CUL4A: variants seen among roughly 807,000 people sequenced by gnomAD.
CUL4A encodes the protein cullin 4A, also known as cullin-4A.
CUL4A carries 16 observed loss-of-function variants against 95.5 expected under a neutral mutation model. The observed-to-expected ratio is 0.17, with a 90% CI of 0.11 to 0.25. CUL4A has a LOEUF of 0.25. Ranked by LOEUF, CUL4A falls within the 10% of genes least tolerant of loss-of-function variation. CUL4A has a pLI of 1.00. For missense variants in CUL4A, 610 were observed against 937.0 expected, an observed-to-expected ratio of 0.65 and a Z score of 4.56; for synonymous variants, 380 against 353.1, an observed-to-expected ratio of 1.08 and a Z score of -0.85.
chr13:113,212,428 G>T (rs1055904589), intron 2 of CUL4A, among the ~76,000 whole-genome samples: 1 of 152,152 alleles, frequency 6.6e-6, no homozygotes, highest in Non-Finnish European at 1.5e-5. Context: ...AGAGTTTTAG[G>T]TTTTACATCT....
intron 2 of CUL4A, 23 bp downstream of exon 2, chr13:113,210,111 G>A: frequency 6.9e-7 from 1 of 1,452,016 alleles, no homozygotes; most frequent in Non-Finnish European, 9.2e-7. Flanking sequence ...CCGGGGCTGG[G>A]GACGCCGCTC....
At chr13:113,228,410 C>G (rs1293035260) in intron 4 of CUL4A, among the ~76,000 whole-genome samples, 1 of 152,214 alleles carries the variant, frequency 6.6e-6, no homozygotes, top group African/African-American at 2.4e-5. Context: ...TTGGCTTTGA[C>G]TTGACGTCAT....
In CUL4A at chr13:113,244,395, T is replaced by G; in HGVS notation, c.1229-15T>G. ...TTTCTAGTTTAGAGTATTTACTATA[T>G]GTTTATGCTCACAGCAAAGCATGTG... is the stretch of plus-strand genomic sequence containing the variant. On this transcript the variant is annotated splice_polypyrimidine_tract_variant and intron_variant, in intron 11 of 19. Transcript: ENST00000375440. 12 of 1,589,898 alleles carry G rather than the reference T, an allele frequency of 7.5e-6. No individual in the cohort carries two copies. Among genetic ancestry groups the G allele is most frequent in the Non-Finnish European group, 1.0e-5 (12 of 1,161,288 alleles).
upstream of CUL4A, chr13:113,208,766 G>A (rs2040173243): frequency 7.0e-7 from 1 of 1,438,706 alleles, no homozygotes; most frequent in African/African-American, 1.5e-5. Context: ...GGTTCCGGAG[G>A]GAGAACCTGG....
intron 14 of CUL4A, 40 bp downstream of exon 14, chr13:113,245,277 T>C (rs769191822): frequency 7.7e-6 from 12 of 1,563,776 alleles, no homozygotes. Flanking sequence ...TTTTAAAAAG[T>C]ATCTGTTAGT....
At position 113,257,253 on chromosome 13, in the gene CUL4A, G is replaced by T. The variant is rs545459303; in HGVS notation, c.2031+2128G>T. Among the ~76,000 whole-genome samples the T allele has an allele frequency of 2.0e-5, 3 of 151,958 alleles. No individual in the cohort carries two copies. In the East Asian group the frequency reaches 5.8e-4, roughly 29 times the overall value. The stretch of plus-strand genomic sequence containing the variant: ...TTTGTCATTTTTGACAGATAATTTT[G>T]TTGTTTTTATTGGTTTTTTTTTCAC... On this transcript the variant is annotated intron_variant, in intron 18 of 19. Transcript: ENST00000375440.
At chr13:113,263,157 A>G (rs9549369) in intron 19 of CUL4A, among the ~76,000 whole-genome samples, 80 of 142,194 alleles carry the variant, frequency 5.6e-4, no homozygotes, top group Middle Eastern at 7.8e-3. Context: ...CAGATGTCGG[A>G]TCTGCCTCGC....
intron 9 of CUL4A, 99 bp downstream of exon 9, chr13:113,236,989 G>T: frequency 2.7e-6 from 2 of 752,952 alleles, no homozygotes; most frequent in Middle Eastern, 2.7e-4. Flanking sequence ...TAGGACGTTT[G>T]TTATTTTCAT....
At chr13:113,235,741 T>A (rs144808226) in intron 8 of CUL4A, among the ~76,000 whole-genome samples, 2 of 151,866 alleles carry the variant, frequency 1.3e-5, no homozygotes, top group East Asian at 3.9e-4. Context: ...GAGGCTGAGG[T>A]GGGCAGATCA....
intron 3 of CUL4A, among the ~76,000 whole-genome samples, chr13:113,222,402 A>G (rs2040931774): frequency 6.6e-6 from 1 of 151,782 alleles, no homozygotes. Context: ...GGTTAGAGGG[A>G]AAGGATCTGA....
chr13:113,219,716 A>T (rs2040828114), intron 3 of CUL4A: 1 of 152,254 alleles, frequency 6.6e-6, no homozygotes, highest in South Asian at 2.1e-4. Flanking sequence ...GCCTTATATG[A>T]TGTAACCCGT....
chr13:113,222,979 T>C (rs1373415877), intron 3 of CUL4A, among the ~76,000 whole-genome samples: 1 of 151,704 alleles, frequency 6.6e-6, no homozygotes, highest in Non-Finnish European at 1.5e-5. Context: ...ACCTGGAGAG[T>C]CATCTTGTGG....
intron 2 of CUL4A, among the ~76,000 whole-genome samples, chr13:113,216,226 A>T (rs1373916850): frequency 6.6e-6 from 1 of 152,208 alleles, no homozygotes; most frequent in Non-Finnish European, 1.5e-5. Context: ...GTCATGTCCC[A>T]CAGCTCCATG....
At chr13:113,209,603 G>GGGGCGCGGCGGTTCCGGCCC (rs1324789388), upstream of CUL4A, 4 of 1,013,476 alleles carry the variant, frequency 3.9e-6, no homozygotes, top group East Asian at 3.8e-4. Flanking sequence ...CGCTCGGGGC[G>GGGGCGCGGCGGTTCCGGCCC]GGGCGCGGCG....
chr13:113,244,723 C>T (rs1027614927), intron 12 of CUL4A, among the ~76,000 whole-genome samples: 2 of 152,256 alleles, frequency 1.3e-5, no homozygotes, highest in Non-Finnish European at 2.9e-5. Context: ...CGCCTGTAGT[C>T]CCACCTACTT....
chr13:113,215,423 GC>G (rs2040622018), intron 2 of CUL4A, among the ~76,000 whole-genome samples: 1 of 150,904 alleles, frequency 6.6e-6, no homozygotes, highest in African/African-American at 2.4e-5. Flanking sequence ...GTCCCATGTG[GC>G]TGTGGAGGTC....
intron 2 of CUL4A, among the ~76,000 whole-genome samples, chr13:113,210,715 C>A (rs115773007): frequency 1.3e-5 from 2 of 152,126 alleles, no homozygotes; most frequent in African/African-American, 4.8e-5. Context: ...TGTAAAGTAA[C>A]ATTCATTCAG....
At chr13:113,212,531 C>T (rs1203567935) in intron 2 of CUL4A, among the ~76,000 whole-genome samples, 1 of 152,096 alleles carries the variant, frequency 6.6e-6, no homozygotes, top group Non-Finnish European at 1.5e-5. Flanking sequence ...GCCTGTAATC[C>T]CAGCACTTTG....
chr13:113,232,849 C>T (rs374665013), intron 5 of CUL4A, among the ~76,000 whole-genome samples: 14 of 152,088 alleles, frequency 9.2e-5, no homozygotes, highest in African/African-American at 3.4e-4. Flanking sequence ...GCCCAACTGC[C>T]TGAGTGTCTC....
Sources: gnomAD v4.1 joint callset for allele counts (sites outside exome capture counted in the v4.1 genomes callset) on GRCh38, gnomAD v4.1.1 for gene constraint, MANE v1.5 for transcripts, NCBI Gene and HGNC (gene_info 2026-07-23, HGNC 2026-07-21) for gene names.